Variants in ACYP2 observed in about 807,000 individuals in gnomAD.
ACYP2 encodes acylphosphatase 2, also known as acylphosphatase-2.
Under a neutral mutation model 11.2 loss-of-function variants are expected in ACYP2, and 12 were observed. That is an observed-to-expected ratio of 1.08 (90% CI 0.69 to 1.74). The LOEUF (loss-of-function observed/expected upper bound fraction) is 1.74. Ranked by LOEUF, ACYP2 falls within the 40% of genes most tolerant of loss-of-function variation. The pLI is 0.00. For missense variants in ACYP2, 134 were observed against 101.9 expected (o/e 1.31, Z -1.35); for synonymous variants, 43 against 32.2 (o/e 1.33, Z -1.13).
chr2:54,050,146 A>G (rs753057388), intron 2 of ACYP2, among the ~76,000 whole-genome samples: 2 of 152,172 alleles, frequency 1.3e-5, no homozygotes, highest in Non-Finnish European at 2.9e-5. Context: ...TTTTTTCCTT[A>G]GGACCTCATG....
intron 6 of ACYP2, among the ~76,000 whole-genome samples, chr2:54,284,674 T>C (rs1321817936): frequency 1.3e-5 from 2 of 152,214 alleles, no homozygotes; most frequent in African/African-American, 4.8e-5. Flanking sequence ...TAGAGCTACA[T>C]CATCTCCAGC....
intron 6 of ACYP2, among the ~76,000 whole-genome samples, chr2:54,155,189 T>C (rs531615816): frequency 6.6e-6 from 1 of 152,122 alleles, no homozygotes; most frequent in African/African-American, 2.4e-5. Context: ...CACTTTTTTT[T>C]CTAGGTTAAC....
intron 2 of ACYP2, among the ~76,000 whole-genome samples, chr2:54,023,925 C>A (rs914746529): frequency 2.0e-5 from 3 of 152,094 alleles, no homozygotes; most frequent in Non-Finnish European, 4.4e-5. Flanking sequence ...AAGAGGGAAT[C>A]CTTCCTAAAT....
intron 5 of ACYP2, among the ~76,000 whole-genome samples, chr2:54,138,111 T>C (rs1351473842): frequency 1.3e-5 from 2 of 152,184 alleles, no homozygotes; most frequent in Admixed American, 1.3e-4. Context: ...CCTTGCCTAC[T>C]TTTTAATGGG....
intron 6 of ACYP2, among the ~76,000 whole-genome samples, chr2:54,268,052 T>C (rs190933939): frequency 3.3e-3 from 502 of 152,334 alleles, no homozygotes; most frequent in African/African-American, 0.011. Context: ...CCCCATTTGG[T>C]ATCACTACCT....
chr2:54,169,593 G>T (rs889612281), intron 6 of ACYP2, among the ~76,000 whole-genome samples: 7 of 152,076 alleles, frequency 4.6e-5, no homozygotes, highest in Non-Finnish European at 8.8e-5. Context: ...GGAATTTGAT[G>T]TAAGTCTAGC....
At chr2:54,176,436 C>T (rs1289423427) in intron 6 of ACYP2, among the ~76,000 whole-genome samples, 1 of 152,206 alleles carries the variant, frequency 6.6e-6, no homozygotes, top group Non-Finnish European at 1.5e-5. Flanking sequence ...GTTGAGCTGT[C>T]ATACCAGCTG....
At chr2:54,211,575 G>A (rs1462340248) in intron 6 of ACYP2, among the ~76,000 whole-genome samples, 1 of 152,064 alleles carries the variant, frequency 6.6e-6, no homozygotes, top group South Asian at 2.1e-4. Context: ...TATGGTTAGT[G>A]TTGTCAGTTC....
intron 2 of ACYP2, among the ~76,000 whole-genome samples, chr2:54,017,470 A>T (rs1448654603): frequency 1.3e-5 from 2 of 151,510 alleles, no homozygotes; most frequent in African/African-American, 4.8e-5. Context: ...GGCCAGGCTG[A>T]TCTCGAGCTC....
intron 4 of ACYP2, among the ~76,000 whole-genome samples, chr2:54,113,461 A>G (rs561476902): frequency 1.3e-5 from 2 of 151,944 alleles, no homozygotes; most frequent in African/African-American, 4.8e-5. Flanking sequence ...CAGGCTGGTC[A>G]TCTCTAACTC....
rs994088012 is a variant in ACYP2, at chr2:54,200,526, T to C, written c.404+61778T>C. ...ATGGTATCATGCAATATATGCCCTT[T>C]GGTGTCTGGCTTCTTTCACTGAGGA... On this transcript the variant is annotated intron_variant, in intron 6 of 6. Transcript: ENST00000607452. 2.0e-5 allele frequency among the ~76,000 whole-genome samples: 3 copies of C among 152,210 alleles called. No homozygotes were observed. In the South Asian group the frequency reaches 6.2e-4, roughly 32 times the overall value.
intron 2 of ACYP2, among the ~76,000 whole-genome samples, chr2:53,976,501 C>T (rs752514287): frequency 1.3e-5 from 2 of 152,196 alleles, no homozygotes; most frequent in South Asian, 4.1e-4. Flanking sequence ...GCCACCACAC[C>T]TGGCCAGAAA....
intron 4 of ACYP2, among the ~76,000 whole-genome samples, chr2:54,090,407 G>T (rs143809347): frequency 9.9e-4 from 150 of 152,226 alleles, no homozygotes; most frequent in African/African-American, 3.3e-3. Context: ...GAGGTGGGCA[G>T]ATCACGAGGT....
rs148872913 is a variant in ACYP2, at chr2:54,256,150, A to G, written c.405-48538A>G. 490 of 1,609,892 alleles carry G rather than the reference A, an allele frequency of 3.0e-4. 1 individual carries two copies. In the African/African-American group the frequency reaches 5.8e-3, roughly 19 times the overall value. On this transcript the variant is annotated intron_variant, in intron 6 of 6. Transcript: ENST00000607452. Reference sequence around the variant, plus strand: ...GCTGTGAGGACTCTCCGGGAGGCTCATGTTGGTAGCGGCCAGGGCAGCAGT... The same window carrying G: ...GCTGTGAGGACTCTCCGGGAGGCTCGTGTTGGTAGCGGCCAGGGCAGCAGT...
At chr2:53,972,550 T>C (rs1671213555) in intron 1 of ACYP2, among the ~76,000 whole-genome samples, 1 of 151,164 alleles carries the variant, frequency 6.6e-6, no homozygotes, top group African/African-American at 2.4e-5. Flanking sequence ...GAGCTTGCAG[T>C]GAGCCGAGAT....
At chr2:54,257,429 C>T (rs1687606967) in intron 6 of ACYP2, among the ~76,000 whole-genome samples, 1 of 152,196 alleles carries the variant, frequency 6.6e-6, no homozygotes, top group Admixed American at 6.5e-5. Context: ...TCATTGGCTA[C>T]AGCTAGTCAG....
chr2:54,016,818 T>C (rs372258656), intron 2 of ACYP2, among the ~76,000 whole-genome samples: 20 of 150,398 alleles, frequency 1.3e-4, no homozygotes, highest in East Asian at 4.0e-4. Context: ...CTCCGCCTCC[T>C]GGGTTCACGC....
At chr2:53,982,959 T>C (rs141233277) in intron 2 of ACYP2, among the ~76,000 whole-genome samples, 234 of 152,060 alleles carry the variant, frequency 1.5e-3, no homozygotes, top group African/African-American at 5.4e-3. Context: ...TTCCTTTTCG[T>C]AAAGATCCAT....
At chr2:54,046,167 CAAAAAAAA>C (rs36114622) in intron 2 of ACYP2, among the ~76,000 whole-genome samples, 2 of 55,844 alleles carry the variant, frequency 3.6e-5, no homozygotes, top group African/African-American at 7.2e-5. Flanking sequence ...CAGACCCTGT[CAAAAAAAA>C]AAAAAAAAAA....
Sources: allele counts gnomAD v4.1 joint callset (sites outside exome capture counted in the v4.1 genomes callset), GRCh38; gene constraint gnomAD v4.1.1; transcripts MANE v1.5; gene names NCBI Gene and HGNC (gene_info 2026-07-23, HGNC 2026-07-21).